The following ALX4 variants were observed in gnomAD, a reference collection of about 807,000 sequenced individuals.
ALX4 encodes homeobox protein aristaless-like 4.
ALX4 carries 22 observed loss-of-function variants against 40.6 expected under a neutral mutation model. The observed-to-expected ratio is 0.54, with a 90% confidence interval of 0.39 to 0.77. The LOEUF (loss-of-function observed/expected upper bound fraction) is 0.77, where lower values mean the gene tolerates loss of function less well. Ranked by LOEUF, ALX4 falls within the 30% of genes least tolerant of loss-of-function variation. The pLI, the probability that ALX4 is intolerant of heterozygous loss-of-function variation, is 0.00. For missense variants in ALX4, 556 were observed against 564.8 expected, an observed-to-expected ratio of 0.98 and a Z score of 0.16; for synonymous variants, 266 against 240.5, an observed-to-expected ratio of 1.11 and a Z score of -0.98.
At chr11:44,293,572 T>C (rs1191186516) in intron 1 of ALX4, among the ~76,000 whole-genome samples, 2 of 152,262 alleles carry the variant, frequency 1.3e-5, no homozygotes, top group Non-Finnish European at 2.9e-5. Flanking sequence ...CCTGAGAGGA[T>C]ACTTTGTGTA....
chr11:44,309,633 T>A lies in ALX4; in HGVS notation c.430A>T (p.Ser144Cys). 6.3e-7 allele frequency: 1 copy of A among 1,591,966 alleles called. No individual in the cohort carries two copies. The highest frequency in any genetic ancestry group is 8.5e-7 in the Non-Finnish European group (1 of 1,176,126). ...ACCTGCAAGGCCGCGCTGTGGCCGC[T>A]GCTGCCTTCCTGGAGTTTGAGGCTG... is the stretch of plus-strand genomic sequence containing the variant. ...DGSLKLQEGS[S>C]GHSAALQVPC... The change falls in exon 1 of 4, where the codon AGC (serine) becomes TGC (cysteine). Residue 144 changes from serine to cysteine, a missense_variant. Transcript: ENST00000652299.
At position 44,280,312 on chromosome 11, in the gene ALX4, G is replaced by T. The variant is rs571259407; in HGVS notation, c.467-4654C>A. Among the ~76,000 whole-genome samples, 10 of 152,330 alleles carry T rather than the reference G, an allele frequency of 6.6e-5. No individual in the cohort carries two copies. In the East Asian group the frequency reaches 1.7e-3, roughly 26 times the overall value. On this transcript the variant is annotated intron_variant, in intron 1 of 3. Coordinates refer to ENST00000652299, the MANE Select transcript of ALX4 (RefSeq NM_021926.4). The stretch of plus-strand genomic sequence containing the variant: ...GGTCCAGAAACCCAGTCCAGGATCT[G>T]CCAGGAACTGGCTCCACACCCACCC...
At chr11:44,293,157 AAG>A (rs1565007480) in intron 1 of ALX4, among the ~76,000 whole-genome samples, 2 of 42,608 alleles carry the variant, frequency 4.7e-5, no homozygotes, top group Non-Finnish European at 1.1e-4. Context: ...GGAAGGAAGG[AAG>A]GAAGGAAGGA....
chr11:44,301,047 C>T (rs888289211), intron 1 of ALX4, among the ~76,000 whole-genome samples: 6 of 152,264 alleles, frequency 3.9e-5, no homozygotes, highest in African/African-American at 1.4e-4. Context: ...ACTTGTCTGT[C>T]TCTGCCTCTG....
intron 1 of ALX4, among the ~76,000 whole-genome samples, chr11:44,282,981 C>T (rs914146558): frequency 6.6e-6 from 1 of 152,148 alleles, no homozygotes; most frequent in Non-Finnish European, 1.5e-5. Flanking sequence ...TGGTGGCTTG[C>T]GCCTGTAATC....
At position 44,276,831 on chromosome 11, in the gene ALX4, C is replaced by T. The variant is rs566443336; in HGVS notation, c.467-1173G>A. On this transcript the variant is annotated intron_variant, in intron 1 of 3. Transcript: ENST00000652299. ...CATGCATGGTTCACAGTAGGATTCA[C>T]GCCTCTGTGAGAATCTAATGGCACC... 5.9e-5 allele frequency among the ~76,000 whole-genome samples: 9 copies of T among 152,262 alleles called. No individual in the cohort carries two copies. In the South Asian group the frequency reaches 1.5e-3, roughly 25 times the overall value.
rs1300765988 is a variant in ALX4 at position 44,265,065 on chromosome 11, CCA to C, written c.1023_1024del (p.Ala343GlnfsTer100). 6.2e-7 allele frequency: 1 copy of C among 1,613,000 alleles called. No homozygotes were observed. The stretch of plus-strand genomic sequence containing the variant: ...CAGGAAGTCGGTGACGCTGCTGGCC[CCA>C]GAGCCAGGGGGGTGGGCATGAGGGG... On this transcript the variant is annotated frameshift_variant, in exon 4 of 4. Coordinates refer to ENST00000652299, the MANE Select transcript of ALX4 (RefSeq NM_021926.4). LOFTEE classifies it high-confidence loss of function.
chr11:44,270,403 G>A (rs571198089), intron 2 of ALX4, among the ~76,000 whole-genome samples: 3 of 152,168 alleles, frequency 2.0e-5, no homozygotes, highest in Non-Finnish European at 4.4e-5. Context: ...TTCTTCTCCT[G>A]TTCCTTTGTC....
chr11:44,275,277 C>T, intron 2 of ALX4, 71 bp downstream of exon 2: 2 of 1,545,576 alleles, frequency 1.3e-6, no homozygotes, highest in East Asian at 2.2e-5. Flanking sequence ...GTCAGGAGAC[C>T]CCAACTGCAG....
intron 1 of ALX4, among the ~76,000 whole-genome samples, chr11:44,278,253 G>C (rs1203415031): frequency 6.6e-6 from 1 of 151,324 alleles, no homozygotes; most frequent in Non-Finnish European, 1.5e-5. Flanking sequence ...TGAACTCCTA[G>C]TTTTAACTGG....
intron 1 of ALX4, among the ~76,000 whole-genome samples, chr11:44,282,111 A>G (rs1956313756): frequency 6.6e-6 from 1 of 152,250 alleles, no homozygotes; most frequent in African/African-American, 2.4e-5. Flanking sequence ...TGGAACAGTA[A>G]AAGGACATTG....
intron 1 of ALX4, among the ~76,000 whole-genome samples, chr11:44,303,416 C>T (rs57107642): frequency 0.01 from 1,563 of 152,218 alleles, 24 homozygotes; most frequent in African/African-American, 0.035. Context: ...GCCGGTGGCC[C>T]CTCTTACCCC....
At chr11:44,303,889 G>A (rs1188613792) in intron 1 of ALX4, among the ~76,000 whole-genome samples, 11 of 152,236 alleles carry the variant, frequency 7.2e-5, no homozygotes, top group Non-Finnish European at 1.6e-4. Context: ...ACTGGGTGAG[G>A]AAGGAGCATC....
chr11:44,265,546 C>T (rs1225281552), intron 3 of ALX4, among the ~76,000 whole-genome samples: 1 of 152,160 alleles, frequency 6.6e-6, no homozygotes, highest in African/African-American at 2.4e-5. Context: ...CATTCACCTC[C>T]AGCTCCTCCC....
intron 1 of ALX4, among the ~76,000 whole-genome samples, chr11:44,308,166 G>T (rs1028792236): frequency 1.3e-5 from 2 of 152,226 alleles, no homozygotes; most frequent in Admixed American, 1.3e-4. Context: ...CTTGGGGTAT[G>T]ACCACATCGG....
intron 1 of ALX4, among the ~76,000 whole-genome samples, chr11:44,300,871 T>TC (rs1188600630): frequency 2.6e-5 from 4 of 152,086 alleles, no homozygotes; most frequent in African/African-American, 9.7e-5. Context: ...AATCCCAACT[T>TC]CCCCCAACTT....
rs185632337 is a variant in ALX4 at position 44,263,932 on chromosome 11, A to C, written c.*922T>G. ...GAACCTGACTGGGCTCTGGATGGAG[A>C]ACAAAGCTGCCCAGACCTCCCCGCT... On this transcript the variant is annotated 3_prime_UTR_variant, in exon 4 of 4. Coordinates refer to ENST00000652299, the MANE Select transcript of ALX4 (RefSeq NM_021926.4). 1,526 of 152,434 alleles carry C rather than the reference A, an allele frequency of 0.01. 30 individuals carry two copies. Among genetic ancestry groups the C allele is most frequent in the African/African-American group, 0.035 (1,445 of 41,550 alleles). 9.4% of individuals were successfully genotyped at this position (152,434 alleles called of 1,614,324 possible).
At chr11:44,308,632 C>T (rs907504373) in intron 1 of ALX4, among the ~76,000 whole-genome samples, 1 of 152,234 alleles carries the variant, frequency 6.6e-6, no homozygotes, top group Non-Finnish European at 1.5e-5. Context: ...TTGAGTGTCT[C>T]TCTCTCCCGG....
intron 1 of ALX4, among the ~76,000 whole-genome samples, chr11:44,303,387 GA>G (rs1293205860): frequency 6.6e-6 from 1 of 152,144 alleles, no homozygotes; most frequent in Non-Finnish European, 1.5e-5. Flanking sequence ...CCTTCACCGG[GA>G]AAGATAGGTA....
Sources: allele counts gnomAD v4.1 joint callset (sites outside exome capture counted in the v4.1 genomes callset), GRCh38; gene constraint gnomAD v4.1.1; transcripts MANE v1.5; gene names NCBI Gene and HGNC (gene_info 2026-07-23, HGNC 2026-07-21).